S100Z: variants seen among roughly 807,000 people sequenced by gnomAD.
S100Z encodes the protein S100 calcium binding protein Z.
Under a neutral mutation model 8.5 loss-of-function variants are expected in S100Z, and 11 were observed. The ratio of observed to expected loss-of-function variants is 1.30; its 90% CI spans 0.82 to 2.15. The LOEUF (loss-of-function observed/expected upper bound fraction) is 2.15. S100Z is among the 30% of genes most tolerant of loss of function. S100Z has a pLI of 0.00. For missense variants in S100Z, 126 were observed against 117.9 expected, an observed-to-expected ratio of 1.07 and a Z score of -0.32; for synonymous variants, 34 against 43.8, an observed-to-expected ratio of 0.78 and a Z score of 0.89.
intron 2 of S100Z, among the ~76,000 whole-genome samples, chr5:76,872,381 A>G (rs1193445277): frequency 6.6e-6 from 1 of 151,324 alleles, no homozygotes; most frequent in Non-Finnish European, 1.5e-5. Flanking sequence ...TTTCACAGAG[A>G]CAATGTAAGG....
chr5:76,864,387 T>TA (rs1491511576), intron 1 of S100Z, among the ~76,000 whole-genome samples: 1 of 16,140 alleles, frequency 6.2e-5, no homozygotes, highest in South Asian at 1.0e-3. Context: ...GCATACTATA[T>TA]TTTTTTTTTT....
chr5:76,863,663 C>A (rs996198439), intron 1 of S100Z, among the ~76,000 whole-genome samples: 1 of 151,994 alleles, frequency 6.6e-6, no homozygotes, highest in African/African-American at 2.4e-5. Context: ...CTCAGCCTCC[C>A]AAGTAGCTGG....
intron 1 of S100Z, among the ~76,000 whole-genome samples, chr5:76,862,926 T>A (rs1279457173): frequency 2.0e-5 from 3 of 152,216 alleles, no homozygotes. Flanking sequence ...TGTGACTTCC[T>A]TACTCTGTTC....
intron 2 of S100Z, among the ~76,000 whole-genome samples, chr5:76,873,940 T>G (rs1743094127): frequency 6.6e-6 from 1 of 152,220 alleles, no homozygotes; most frequent in African/African-American, 2.4e-5. Context: ...TCAACTTTTT[T>G]ATTAGGTAAT....
In S100Z at chr5:76,884,579, C is replaced by A. The variant is rs149909620; in HGVS notation, c.*2+6745C>A. Among the ~76,000 whole-genome samples, 14 of 152,242 alleles carry A rather than the reference C, an allele frequency of 9.2e-5. No individual in the cohort carries two copies. In the South Asian group the frequency reaches 2.3e-3, roughly 25 times the overall value. ...GGGGTCTGATGAGAAAGAGCCTAAA[C>A]GCTGGCTGATTTGGGAAAGGTCTGA... On this transcript the variant is annotated intron_variant, in intron 4 of 4. Transcript: ENST00000317593.
At chr5:76,875,608 C>A in intron 3 of S100Z, 108 bp downstream of exon 3, 2 of 988,582 alleles carry the variant, frequency 2.0e-6, no homozygotes, top group Non-Finnish European at 2.9e-6. Flanking sequence ...ACAAATGCAG[C>A]CAAATTTGTA....
chr5:76,865,023 G>A (rs1751217699), intron 1 of S100Z, among the ~76,000 whole-genome samples: 1 of 150,104 alleles, frequency 6.7e-6, no homozygotes, highest in Non-Finnish European at 1.5e-5. Context: ...ACTTTTAACT[G>A]TTAGTTTAGC....
intron 4 of S100Z, among the ~76,000 whole-genome samples, chr5:76,917,676 A>G (rs1742339276): frequency 1.3e-5 from 2 of 152,190 alleles, no homozygotes; most frequent in African/African-American, 4.8e-5. Flanking sequence ...CACAAAAATT[A>G]GCTGGATGTA....
At chr5:76,937,012 G>A in the S100Z span, among the ~76,000 whole-genome samples, 20 of 131,510 alleles carry the variant, frequency 1.5e-4, no homozygotes, top group African/African-American at 4.5e-4. Context: ...AAGTCTGATC[G>A]TCATACGCAA....
At chr5:76,930,094 ATTC>A in the S100Z span, among the ~76,000 whole-genome samples, 1 of 152,348 alleles carries the variant, frequency 6.6e-6, no homozygotes, top group Middle Eastern at 3.4e-3. Flanking sequence ...GATATCTTCT[ATTC>A]CCACAAAGAG....
downstream of S100Z, among the ~76,000 whole-genome samples, chr5:76,924,542 G>C (rs1035689744): frequency 5.9e-5 from 9 of 152,166 alleles, no homozygotes; most frequent in Non-Finnish European, 1.2e-4. Context: ...GTCTGGATTA[G>C]AGGAATAAGG....
At chr5:76,863,654 T>C (rs1195302633) in intron 1 of S100Z, among the ~76,000 whole-genome samples, 6 of 152,102 alleles carry the variant, frequency 3.9e-5, no homozygotes, top group Non-Finnish European at 8.8e-5. Context: ...TTCTCCTGCC[T>C]CAGCCTCCCA....
chr5:76,920,180 A>T (rs35871779), intron 4 of S100Z, among the ~76,000 whole-genome samples: 95,751 of 151,744 alleles, frequency 0.63, 30,499 homozygotes, highest in African/African-American at 0.65. Flanking sequence ...AAATGCTGGG[A>T]TTACAGGCAT....
chr5:76,882,747 CT>C (rs1743454403), intron 4 of S100Z, among the ~76,000 whole-genome samples: 2 of 152,178 alleles, frequency 1.3e-5, no homozygotes, highest in Non-Finnish European at 2.9e-5. Context: ...TCCGTGAAGC[CT>C]TGTGGCAGTA....
rs1303649853 is a variant in S100Z, at chr5:76,906,972, GTGTGTATATATA to G, written c.*3-13743_*3-13732del. ...AAGGCTGAATAGTATTCCATTGTGTGTGTGTATATATATATATATATATATATATATATATAT... is the reference window on the plus strand; with the variant it reads ...AAGGCTGAATAGTATTCCATTGTGTGTATATATATATATATATATATATAT... On this transcript the variant is annotated intron_variant, in intron 4 of 4. Transcript: ENST00000317593. Among the ~76,000 whole-genome samples, 208 of 30,426 alleles carry G rather than the reference GTGTGTATATATA, an allele frequency of 6.8e-3. 4 individuals are homozygous for G. The highest frequency in any genetic ancestry group is 0.024 in the African/African-American group (193 of 8,108). The allele number at this position is 30,426 out of a possible 152,430, so 20.0% of individuals were successfully genotyped here. A position where few individuals can be genotyped will look rare whatever the true frequency, so the allele number is the denominator to read the frequency against.
At chr5:76,893,479 G>T (rs978217189) in intron 4 of S100Z, among the ~76,000 whole-genome samples, 3 of 151,934 alleles carry the variant, frequency 2.0e-5, no homozygotes, top group Non-Finnish European at 4.4e-5. Context: ...GGAGGTCAAG[G>T]TTGCAGTGAG....
intron 2 of S100Z, among the ~76,000 whole-genome samples, chr5:76,872,047 G>A (rs1743027832): frequency 2.0e-5 from 3 of 151,924 alleles, no homozygotes; most frequent in Admixed American, 2.0e-4. Context: ...GACCAGCTTG[G>A]GCAGCATAGT....
chr5:76,852,193 T>C (rs1432172038), intron 1 of S100Z, among the ~76,000 whole-genome samples: 2 of 152,174 alleles, frequency 1.3e-5, no homozygotes, highest in Non-Finnish European at 2.9e-5. Flanking sequence ...TCCACTCCAC[T>C]TGGCTGTCTG....
intron 4 of S100Z, among the ~76,000 whole-genome samples, chr5:76,905,041 G>A (rs550490518): frequency 6.6e-6 from 1 of 152,274 alleles, no homozygotes; most frequent in East Asian, 1.9e-4. Flanking sequence ...ATTTTTGGTT[G>A]ATTGGGGACA....
Sources: allele counts gnomAD v4.1 joint callset (sites outside exome capture counted in the v4.1 genomes callset), GRCh38; gene constraint gnomAD v4.1.1; transcripts MANE v1.5; gene names NCBI Gene and HGNC (gene_info 2026-07-23, HGNC 2026-07-21).